The following USP3 variants were observed in gnomAD, a reference collection of about 807,000 sequenced individuals.
USP3 encodes ubiquitin carboxyl-terminal hydrolase 3.
In USP3, 20 loss-of-function variants were observed where a neutral mutation model predicts 72.3. That is an observed-to-expected ratio of 0.28 (90% CI 0.19 to 0.40). USP3 has a LOEUF of 0.40. Ranked by LOEUF, USP3 falls within the 10% of genes least tolerant of loss-of-function variation. The probability of loss-of-function intolerance (pLI) is 1.00; values close to 1 mark genes in which losing one functional copy is unlikely to be tolerated. For missense variants in USP3, 479 were observed against 633.9 expected, an observed-to-expected ratio of 0.76 and a Z score of 2.62; for synonymous variants, 222 against 225.3, an observed-to-expected ratio of 0.99 and a Z score of 0.13.
At position 63,534,000 on chromosome 15, in the gene USP3, T is replaced by C. The variant is rs78640440; in HGVS notation, c.152+1293T>C. ...TGCTCTACAACCTAAATCTTGATGG[T>C]CATGTGCCAATCAAAAGACCTGACA... is the stretch of plus-strand genomic sequence containing the variant. On this transcript the variant is annotated intron_variant, in intron 2 of 14. Transcript: ENST00000380324. 33 of 432,916 alleles carry C rather than the reference T, an allele frequency of 7.6e-5. No individual in the cohort carries two copies. The East Asian group carries it at 4.8e-3, about 63-fold the overall frequency. 26.8% of individuals were successfully genotyped at this position (432,916 alleles called of 1,614,324 possible).
chr15:63,544,641 G>T lies in USP3; in HGVS notation c.284+7485G>T. On this transcript the variant is annotated intron_variant, in intron 3 of 14. Transcript: ENST00000380324. The surrounding 1 kb of genome is among the most constrained non-coding windows in gnomAD (Gnocchi z 4.2). ...TGTGTTTTCATTTTTGGAGAATGGG[G>T]GAAGAATGTAAAGATGGAGATGACC... 1 of 697,810 alleles carries T rather than the reference G, an allele frequency of 1.4e-6. No homozygotes were observed. Among genetic ancestry groups the T allele is most frequent in the South Asian group, 1.5e-5 (1 of 66,954 alleles). 43.2% of individuals were successfully genotyped at this position (697,810 alleles called of 1,614,324 possible).
At chr15:63,565,211 T>G (rs778176552) in intron 8 of USP3, among the ~76,000 whole-genome samples, 4 of 152,142 alleles carry the variant, frequency 2.6e-5, no homozygotes, top group African/African-American at 4.8e-5. Flanking sequence ...CACAAATATA[T>G]ATACATACAC....
chr15:63,586,935 A>G (rs916786761), intron 11 of USP3, among the ~76,000 whole-genome samples: 1 of 152,162 alleles, frequency 6.6e-6, no homozygotes, highest in African/African-American at 2.4e-5. Context: ...CAACAAAGGC[A>G]TATTCAAGAC....
chr15:63,520,930 A>G (rs1336740008), intron 1 of USP3, among the ~76,000 whole-genome samples: 1 of 152,088 alleles, frequency 6.6e-6, no homozygotes, highest in Non-Finnish European at 1.5e-5. Context: ...ATAAAACATT[A>G]TCATGGTTCC....
rs1333731649 is a variant in USP3, at chr15:63,552,212, CATAAA to C, written c.285-1496_285-1492del. 2.0e-5 allele frequency among the ~76,000 whole-genome samples: 3 copies of C among 152,016 alleles called. No individual in the cohort carries two copies. In the East Asian group the frequency reaches 5.8e-4, roughly 29 times the overall value. On this transcript the variant is annotated intron_variant, in intron 3 of 14. Transcript: ENST00000380324. ...AACTACATGCATAAATTTATGCAAA[CATAAA>C]ATAAAAATGTAAGCAGAAATTCGAG...
rs2067185821 is a variant in USP3, at chr15:63,590,884, C to A, written c.*58C>A. On this transcript the variant is annotated 3_prime_UTR_variant, in exon 15 of 15. Coordinates refer to ENST00000380324, the MANE Select transcript of USP3 (RefSeq NM_006537.4). ...CCAGAGAAACATTTCCAGTTTTCCA[C>A]AAATACTTGATACAAGATTTAATTT... 2.0e-6 allele frequency: 3 copies of A among 1,502,756 alleles called. No individual in the cohort carries two copies. The highest frequency in any genetic ancestry group is 1.8e-6 in the Non-Finnish European group (2 of 1,120,846). The allele number at this position is 1,502,756 out of a possible 1,614,324, so 93.1% of individuals were successfully genotyped here. A position where few individuals can be genotyped will look rare whatever the true frequency, so the allele number is the denominator to read the frequency against.
At chr15:63,510,966 G>A (rs948609664) in intron 1 of USP3, among the ~76,000 whole-genome samples, 61 of 152,006 alleles carry the variant, frequency 4.0e-4, no homozygotes, top group African/African-American at 1.3e-3. Flanking sequence ...TGTAGAGATC[G>A]TCTTTTTAAC....
chr15:63,544,417 T>G lies in USP3; in HGVS notation c.284+7261T>G. On this transcript the variant is annotated intron_variant, in intron 3 of 14. Coordinates refer to ENST00000380324, the MANE Select transcript of USP3 (RefSeq NM_006537.4). The surrounding 1 kb of genome is among the most constrained non-coding windows in gnomAD (Gnocchi z 4.2). ...AAGTAACTTTATTAACCAAAACTAG[T>G]GAAAGGGGAAGTAGCTGGATTTCAA... is the stretch of plus-strand genomic sequence containing the variant. 2.6e-6 allele frequency: 1 copy of G among 387,180 alleles called. No homozygotes were observed. The highest frequency in any genetic ancestry group is 4.0e-5 in the South Asian group (1 of 24,832). 24.0% of individuals were successfully genotyped at this position (387,180 alleles called of 1,614,324 possible). A position where few individuals can be genotyped will look rare whatever the true frequency, so the allele number is the denominator to read the frequency against.
At position 63,592,220 on chromosome 15, in the gene USP3, C is replaced by T. The variant is rs1444937516; in HGVS notation, c.*1394C>T. The T allele has an allele frequency of 6.6e-6, 1 of 150,520 alleles. No homozygotes were observed. Among genetic ancestry groups the T allele is most frequent in the Non-Finnish European group, 1.5e-5 (1 of 68,024 alleles). 9.3% of individuals were successfully genotyped at this position (150,520 alleles called of 1,614,324 possible). Reference sequence around the variant, plus strand: ...ACAGGCGTGAGCCATCACGCCCAGACAGTTTTGTTTTTAAAAAACAGATTT... The same window carrying T: ...ACAGGCGTGAGCCATCACGCCCAGATAGTTTTGTTTTTAAAAAACAGATTT... On this transcript the variant is annotated 3_prime_UTR_variant, in exon 15 of 15. Coordinates refer to ENST00000380324, the MANE Select transcript of USP3 (RefSeq NM_006537.4).
chr15:63,541,798 G>A (rs1016868130), intron 3 of USP3, among the ~76,000 whole-genome samples: 1 of 152,090 alleles, frequency 6.6e-6, no homozygotes, highest in African/African-American at 2.4e-5. Flanking sequence ...AATAAAACCA[G>A]ATGTCAAATT....
At position 63,555,922 on chromosome 15, in the gene USP3, T is replaced by C. The variant is rs144286613; in HGVS notation, c.369-745T>C. Among the ~76,000 whole-genome samples, 1,326 of 152,326 alleles carry C rather than the reference T, an allele frequency of 8.7e-3. 21 individuals carry two copies. Among genetic ancestry groups the C allele is most frequent in the African/African-American group, 0.029 (1,192 of 41,572 alleles). ...GGTACTTTTAGAAGGTGGGAGAGAA[T>C]TGGCGGCCTTAAAAGTCTGTGTTGT... On this transcript the variant is annotated intron_variant, in intron 4 of 14. Transcript: ENST00000380324.
intron 11 of USP3, among the ~76,000 whole-genome samples, chr15:63,586,925 C>G (rs1217035293): frequency 6.6e-6 from 1 of 152,068 alleles, no homozygotes; most frequent in Non-Finnish European, 1.5e-5. Flanking sequence ...TAGGATCAGG[C>G]AACAAAGGCA....
chr15:63,589,791 T>G (rs183480086), intron 14 of USP3, among the ~76,000 whole-genome samples: 1 of 148,922 alleles, frequency 6.7e-6, no homozygotes, highest in Admixed American at 6.6e-5. Context: ...TAATGATTTC[T>G]GTCTGTGTTT....
chr15:63,507,416 A>G (rs1026375102), intron 1 of USP3, among the ~76,000 whole-genome samples: 3 of 152,176 alleles, frequency 2.0e-5, no homozygotes, highest in African/African-American at 7.2e-5. Context: ...AATACTTTGC[A>G]TTTACTTCAC....
At chr15:63,513,845 G>A (rs1181958758) in intron 1 of USP3, among the ~76,000 whole-genome samples, 1 of 152,180 alleles carries the variant, frequency 6.6e-6, no homozygotes, top group Non-Finnish European at 1.5e-5. Context: ...TGGATGACAT[G>A]TTAGAAAAAT....
rs143691237 is a variant in USP3 at position 63,592,551 on chromosome 15, C to G, written c.*1725C>G. On this transcript the variant is annotated 3_prime_UTR_variant, in exon 15 of 15. Coordinates refer to ENST00000380324, the MANE Select transcript of USP3 (RefSeq NM_006537.4). ...GTAGCCTCAACCTCCCAGGCTCAAG[C>G]GATCCTCCCACTTCAGCCTCGAAGT... The G allele has an allele frequency of 6.6e-6, 1 of 150,942 alleles. No individual in the cohort carries two copies. Among genetic ancestry groups the G allele is most frequent in the African/African-American group, 2.4e-5 (1 of 41,014 alleles). The allele number at this position is 150,942 out of a possible 1,614,324, so 9.4% of individuals were successfully genotyped here.
chr15:63,546,409 A>G (rs1192896159), intron 3 of USP3, among the ~76,000 whole-genome samples: 1 of 152,058 alleles, frequency 6.6e-6, no homozygotes, highest in African/African-American at 2.4e-5. Flanking sequence ...AACACAACCT[A>G]TGAGTTACGT....
chr15:63,560,044 AC>A, intron 7 of USP3, 74 bp downstream of exon 7: 1 of 1,288,458 alleles, frequency 7.8e-7, no homozygotes, highest in South Asian at 1.4e-5. Context: ...TTTCCATTGT[AC>A]TAAGTGAGCT....
intron 3 of USP3, among the ~76,000 whole-genome samples, chr15:63,552,134 T>C (rs2066446191): frequency 6.6e-6 from 1 of 152,204 alleles, no homozygotes; most frequent in South Asian, 2.1e-4. Context: ...GACTTCACTT[T>C]CCAGATAAAT....
Sources: allele counts gnomAD v4.1 joint callset (sites outside exome capture counted in the v4.1 genomes callset), GRCh38; gene constraint gnomAD v4.1.1; non-coding constraint Gnocchi (gnomAD v3.1); transcripts MANE v1.5; gene names NCBI Gene and HGNC (gene_info 2026-07-23, HGNC 2026-07-21).